NTNG2: variants seen among roughly 807,000 people sequenced by gnomAD.
The protein encoded by NTNG2 is netrin G2.
In NTNG2, 15 loss-of-function variants were observed where a neutral mutation model predicts 47.6. That is an observed-to-expected ratio of 0.32 (90% CI 0.21 to 0.49). The LOEUF (loss-of-function observed/expected upper bound fraction) is 0.49, where lower values mean the gene tolerates loss of function less well. Ranked by LOEUF, NTNG2 falls within the 20% of genes least tolerant of loss-of-function variation. The pLI is 0.99. For missense variants in NTNG2, 578 were observed against 764.6 expected (o/e 0.76, Z 2.88); for synonymous variants, 307 against 324.6 (o/e 0.95, Z 0.58).
intron 3 of NTNG2, among the ~76,000 whole-genome samples, chr9:132,203,384 G>T (rs1564414355): frequency 1.3e-5 from 2 of 152,018 alleles, no homozygotes; most frequent in Non-Finnish European, 2.9e-5. Flanking sequence ...TAAAAATAAT[G>T]AGAAGAAGAT....
rs962106307 is a variant in NTNG2 at position 132,215,516 on chromosome 9, G to A, written c.858-11333G>A. On this transcript the variant is annotated intron_variant, in intron 3 of 7. Coordinates refer to ENST00000393229, the MANE Select transcript of NTNG2 (RefSeq NM_032536.4). The surrounding 1 kb of genome is among the most constrained non-coding windows in gnomAD (Gnocchi z 4.2). ...AATTGCTTGAACCCAGGAGGTGGAG[G>A]TTGAAGTGAGCCAAGATCGAACCAC... Among the ~76,000 whole-genome samples, 1 of 152,140 alleles carries A rather than the reference G, an allele frequency of 6.6e-6. No individual in the cohort carries two copies. Among genetic ancestry groups the A allele is most frequent in the African/African-American group, 2.4e-5 (1 of 41,422 alleles).
Position 132,208,763 on chromosome 9 carries a change from G to T in NTNG2, c.857+10154G>T, listed in dbSNP as rs913491731. Among the ~76,000 whole-genome samples, 2 of 152,068 alleles carry T rather than the reference G, an allele frequency of 1.3e-5. No homozygotes were observed. Among genetic ancestry groups the T allele is most frequent in the African/African-American group, 4.8e-5 (2 of 41,390 alleles). ...TTTTTTATTTTTATATTTTCATACAGCAAAGTGGACCTTTTGGGGGTACAA... is the reference window on the plus strand; with the variant it reads ...TTTTTTATTTTTATATTTTCATACATCAAAGTGGACCTTTTGGGGGTACAA... On this transcript the variant is annotated intron_variant, in intron 3 of 7. Coordinates refer to ENST00000393229, the MANE Select transcript of NTNG2 (RefSeq NM_032536.4). The surrounding 1 kb of genome is among the most constrained non-coding windows in gnomAD (Gnocchi z 4.0).
intron 2 of NTNG2, among the ~76,000 whole-genome samples, chr9:132,194,789 C>T (rs1838157753): frequency 6.6e-6 from 1 of 152,240 alleles, no homozygotes; most frequent in Non-Finnish European, 1.5e-5. Flanking sequence ...CGAGGGTCAG[C>T]CCTGCCACCG....
At chr9:132,171,084 C>T (rs904916555) in intron 2 of NTNG2, among the ~76,000 whole-genome samples, 4 of 152,112 alleles carry the variant, frequency 2.6e-5, no homozygotes, top group Admixed American at 6.5e-5. Flanking sequence ...TTCCCAGATG[C>T]GGGCCTTGCT....
intron 2 of NTNG2, among the ~76,000 whole-genome samples, chr9:132,186,964 G>A (rs1589411336): frequency 6.6e-6 from 1 of 152,264 alleles, no homozygotes; most frequent in Admixed American, 6.5e-5. Context: ...CTGTGGGCAG[G>A]GTTGAAAGGC....
Position 132,243,828 on chromosome 9 carries a change from C to G in NTNG2, c.*1717C>G, listed in dbSNP as rs1480249420. 6.6e-6 allele frequency: 1 copy of G among 152,242 alleles called. No homozygotes were observed. Among genetic ancestry groups the G allele is most frequent in the Non-Finnish European group, 1.5e-5 (1 of 68,066 alleles). 9.4% of individuals were successfully genotyped at this position (152,242 alleles called of 1,614,324 possible). A position where few individuals can be genotyped will look rare whatever the true frequency, so the allele number is the denominator to read the frequency against. On this transcript the variant is annotated 3_prime_UTR_variant, in exon 8 of 8. Transcript: ENST00000393229. ...GACACTGCATAGGACTCACAGTGTC[C>G]CGAGCCCACACACCAGCCCCTCCTG...
rs1840783979 is a variant in NTNG2, at chr9:132,226,706, G to C, written c.858-143G>C. 4.9e-6 allele frequency: 3 copies of C among 618,284 alleles called. No homozygotes were observed. The highest frequency in any genetic ancestry group is 7.1e-5 in the Admixed American group (2 of 28,122). The allele number at this position is 618,284 out of a possible 1,614,324, so 38.3% of individuals were successfully genotyped here. On this transcript the variant is annotated intron_variant, in intron 3 of 7. Coordinates refer to ENST00000393229, the MANE Select transcript of NTNG2 (RefSeq NM_032536.4). This position sits in a 1 kb window ranked among gnomAD's most constrained non-coding sequence, Gnocchi z 4.8. Reference sequence around the variant, plus strand: ...GAATCAAGGAGTTTCTGGCCTAAAGGTTGGGCTGGTGGCCTCCAGGGTTTC... The same window carrying C: ...GAATCAAGGAGTTTCTGGCCTAAAGCTTGGGCTGGTGGCCTCCAGGGTTTC...
In NTNG2 at chr9:132,190,654, G is replaced by A. The variant is rs1439210068; in HGVS notation, c.214-7312G>A. On this transcript the variant is annotated intron_variant, in intron 2 of 7. Coordinates refer to ENST00000393229, the MANE Select transcript of NTNG2 (RefSeq NM_032536.4). The stretch of plus-strand genomic sequence containing the variant: ...TTTTTGCCTGCAGCTTGCCTATGAT[G>A]TTTACAACCTGGCCTCTGACTTTGA... Among the ~76,000 whole-genome samples the A allele has an allele frequency of 2.0e-5, 3 of 152,178 alleles. No homozygotes were observed. In the East Asian group the frequency reaches 5.8e-4, roughly 29 times the overall value.
Position 132,236,022 on chromosome 9 carries a change from C to T in NTNG2, c.1055-3082C>T, listed in dbSNP as rs993432614. The stretch of plus-strand genomic sequence containing the variant: ...CAAGCCCTTCCACCAGCACTCCCTC[C>T]GAGGGCTTCGGAGTCTGGTAGAGGC... On this transcript the variant is annotated intron_variant, in intron 5 of 7. Coordinates refer to ENST00000393229, the MANE Select transcript of NTNG2 (RefSeq NM_032536.4). This position sits in a 1 kb window ranked among gnomAD's most constrained non-coding sequence, Gnocchi z 4.3. Among the ~76,000 whole-genome samples, 9 of 152,224 alleles carry T rather than the reference C, an allele frequency of 5.9e-5. No homozygotes were observed. The highest frequency in any genetic ancestry group is 2.0e-4 in the Admixed American group (3 of 15,286).
Position 132,242,156 on chromosome 9 carries a change from CG to C in NTNG2, c.*49del. 2 of 978,162 alleles carry C rather than the reference CG, an allele frequency of 2.0e-6. No individual in the cohort carries two copies. The highest frequency in any genetic ancestry group is 6.7e-5 in the East Asian group (1 of 14,844). The allele number at this position is 978,162 out of a possible 1,614,324, so 60.6% of individuals were successfully genotyped here. ...CCCCGCACCCGGAGGCCGGGGGTCC[CG>C]GGGTCCCGGGGCGGGGCCGGCGTCC... is the stretch of plus-strand genomic sequence containing the variant. On this transcript the variant is annotated 3_prime_UTR_variant, in exon 8 of 8. Transcript: ENST00000393229. The surrounding 1 kb of genome is among the most constrained non-coding windows in gnomAD (Gnocchi z 5.9).
intron 2 of NTNG2, among the ~76,000 whole-genome samples, chr9:132,178,973 A>G (rs957430838): frequency 8.3e-5 from 12 of 144,550 alleles, no homozygotes; most frequent in Non-Finnish European, 1.7e-4. Context: ...AAAAAAAAAA[A>G]AAAAAAAAAC....
At position 132,215,266 on chromosome 9, in the gene NTNG2, T is replaced by C. The variant is rs1291405219; in HGVS notation, c.858-11583T>C. Reference sequence around the variant, plus strand: ...TCTGGCAACCATTGTGGCATGGGGCTCTGTGGGGAAATGACTCCAAGAGGC... The same window carrying C: ...TCTGGCAACCATTGTGGCATGGGGCCCTGTGGGGAAATGACTCCAAGAGGC... On this transcript the variant is annotated intron_variant, in intron 3 of 7. Transcript: ENST00000393229. This position sits in a 1 kb window ranked among gnomAD's most constrained non-coding sequence, Gnocchi z 4.2. Among the ~76,000 whole-genome samples, 3 of 152,122 alleles carry C rather than the reference T, an allele frequency of 2.0e-5. No individual in the cohort carries two copies. The highest frequency in any genetic ancestry group is 7.2e-5 in the African/African-American group (3 of 41,420).
chr9:132,229,083 C>T (rs1841005291), intron 4 of NTNG2, among the ~76,000 whole-genome samples: 1 of 152,112 alleles, frequency 6.6e-6, no homozygotes, highest in Admixed American at 6.5e-5. Context: ...GCCCCACCTC[C>T]TGCTTCCCTG....
At chr9:132,194,272 C>T (rs752317733) in intron 2 of NTNG2, among the ~76,000 whole-genome samples, 1 of 152,186 alleles carries the variant, frequency 6.6e-6, no homozygotes, top group Non-Finnish European at 1.5e-5. Context: ...CCCATCACTC[C>T]TCCTCCCGAG....
intron 2 of NTNG2, among the ~76,000 whole-genome samples, chr9:132,188,480 A>C (rs1169590000): frequency 6.6e-6 from 1 of 152,048 alleles, no homozygotes; most frequent in African/African-American, 2.4e-5. Context: ...ATCCCACCTC[A>C]GCTGCTGCCG....
At position 132,236,825 on chromosome 9, in the gene NTNG2, GGCAGGTGCCGTCC is replaced by G; in HGVS notation, c.1055-2277_1055-2265del. On this transcript the variant is annotated intron_variant, in intron 5 of 7. Transcript: ENST00000393229. The surrounding 1 kb of genome is among the most constrained non-coding windows in gnomAD (Gnocchi z 4.3). ...CCCAGCGGGATTCTGGGCAGTGGAAGGCAGGTGCCGTCCGTGTTCCTGGCTTGACAGCACTTGC... is the reference window on the plus strand; with the variant it reads ...CCCAGCGGGATTCTGGGCAGTGGAAGGTGTTCCTGGCTTGACAGCACTTGC... Among the ~76,000 whole-genome samples the G allele has an allele frequency of 6.6e-6, 1 of 152,228 alleles. No individual in the cohort carries two copies. Among genetic ancestry groups the G allele is most frequent in the Non-Finnish European group, 1.5e-5 (1 of 68,042 alleles).
At position 132,208,377 on chromosome 9, in the gene NTNG2, T is replaced by G. The variant is rs1190956389; in HGVS notation, c.857+9768T>G. On this transcript the variant is annotated intron_variant, in intron 3 of 7. Transcript: ENST00000393229. The surrounding 1 kb of genome is among the most constrained non-coding windows in gnomAD (Gnocchi z 4.0). ...TGCAGCCCCGGGAGGAAGTTGGTTT[T>G]GGTTGAAGTTTGGTAGGAGGGCTAC... Among the ~76,000 whole-genome samples the G allele has an allele frequency of 2.6e-5, 4 of 152,022 alleles. No homozygotes were observed. Among genetic ancestry groups the G allele is most frequent in the Non-Finnish European group, 5.9e-5 (4 of 67,980 alleles).
At position 132,209,537 on chromosome 9, in the gene NTNG2, G is replaced by A. The variant is rs140963531; in HGVS notation, c.857+10928G>A. On this transcript the variant is annotated intron_variant, in intron 3 of 7. Transcript: ENST00000393229. ...CGGTGCCCCAAAGCCACGCGGGAGCGGTTCCTGCAGGGCAGCGGCCACCTG... is the reference window on the plus strand; with the variant it reads ...CGGTGCCCCAAAGCCACGCGGGAGCAGTTCCTGCAGGGCAGCGGCCACCTG... 3.0e-4 allele frequency among the ~76,000 whole-genome samples: 46 copies of A among 152,294 alleles called. No homozygotes were observed. In the East Asian group the frequency reaches 7.9e-3, roughly 26 times the overall value.
In NTNG2 at chr9:132,215,645, G is replaced by T. The variant is rs559943591; in HGVS notation, c.858-11204G>T. ...GTTACTGAATCCTCCAAGAGGCCAGGGGGTGTGTCACCTCTTGGGGCGCCC... is the reference window on the plus strand; with the variant it reads ...GTTACTGAATCCTCCAAGAGGCCAGTGGGTGTGTCACCTCTTGGGGCGCCC... On this transcript the variant is annotated intron_variant, in intron 3 of 7. Coordinates refer to ENST00000393229, the MANE Select transcript of NTNG2 (RefSeq NM_032536.4). This position sits in a 1 kb window ranked among gnomAD's most constrained non-coding sequence, Gnocchi z 4.2. Among the ~76,000 whole-genome samples, 2 of 152,172 alleles carry T rather than the reference G, an allele frequency of 1.3e-5. No individual in the cohort carries two copies. Among genetic ancestry groups the T allele is most frequent in the Admixed American group, 1.3e-4 (2 of 15,270 alleles).
Sources: gnomAD v4.1 joint callset for allele counts (sites outside exome capture counted in the v4.1 genomes callset) on GRCh38, gnomAD v4.1.1 for gene constraint, Gnocchi (gnomAD v3.1) non-coding constraint, MANE v1.5 for transcripts, NCBI Gene and HGNC (gene_info 2026-07-23, HGNC 2026-07-21) for gene names.